The following LYST variants were observed in gnomAD, a reference collection of about 807,000 sequenced individuals.
LYST encodes lysosomal-trafficking regulator.
Under a neutral mutation model 413.6 loss-of-function variants are expected in LYST, and 192 were observed. The ratio of observed to expected loss-of-function variants is 0.46; its 90% CI spans 0.41 to 0.52. The LOEUF is 0.52. Among genes scored for constraint, LYST ranks in the 20% least tolerant of loss-of-function variants. The pLI, the probability that LYST is intolerant of heterozygous loss-of-function variation, is 0.00. For missense variants in LYST, 3,815 were observed against 4,499.9 expected (o/e 0.85, Z 4.35); for synonymous variants, 1,525 against 1,567.3 (o/e 0.97, Z 0.64).
chr1:235,771,913 GTTTGTTT>G (rs1299522051), intron 19 of LYST, among the ~76,000 whole-genome samples: 33 of 95,180 alleles, frequency 3.5e-4, no homozygotes, highest in South Asian at 3.0e-3. Flanking sequence ...AGGTTTTTTA[GTTTGTTT>G]TTTTTTTTTT....
intron 48 of LYST, among the ~76,000 whole-genome samples, chr1:235,685,725 A>G (rs1660162020): frequency 6.6e-6 from 1 of 151,814 alleles, no homozygotes; most frequent in African/African-American, 2.4e-5. Flanking sequence ...GTGCGCCTGT[A>G]ATCCCAACTA....
chr1:235,677,397 C>T (rs1659466478), intron 49 of LYST, 83 bp downstream of exon 49: 3 of 1,394,074 alleles, frequency 2.2e-6, no homozygotes, highest in African/African-American at 2.9e-5. Flanking sequence ...AACGTAAAGA[C>T]ATTATTTTGG....
At chr1:235,712,531 T>C (rs1662478417) in intron 42 of LYST, 1 of 871,466 alleles carries the variant, frequency 1.1e-6, no homozygotes, top group South Asian at 4.9e-5. Context: ...TTGCACATAA[T>C]GGGTATTCAA....
intron 2 of LYST, among the ~76,000 whole-genome samples, chr1:235,831,512 C>T (rs1263633867): frequency 2.0e-5 from 3 of 152,126 alleles, no homozygotes; most frequent in African/African-American, 7.2e-5. Context: ...AGAAGCCAAC[C>T]AGGTAAAAAT....
At chr1:235,680,597 A>T (rs1659731181) in intron 48 of LYST, among the ~76,000 whole-genome samples, 1 of 147,716 alleles carries the variant, frequency 6.8e-6, no homozygotes, top group African/African-American at 2.6e-5. Context: ...CACACAAGTG[A>T]TTTTCTTTTT....
Position 235,809,489 on chromosome 1 carries a change from A to G in LYST, c.1329T>C (p.Asn443=). 6.2e-7 allele frequency: 1 copy of G among 1,614,106 alleles called. No individual in the cohort carries two copies. Among genetic ancestry groups the G allele is most frequent in the Admixed American group, 1.7e-5 (1 of 59,994 alleles). The change falls in exon 5 of 53, where the codon AAT becomes AAC. Residue 443 remains asparagine, a synonymous_variant. Coordinates refer to ENST00000389793, the MANE Select transcript of LYST (RefSeq NM_000081.4). This position sits in a 1 kb window ranked among gnomAD's most constrained non-coding sequence, Gnocchi z 4.0. The part of the protein sequence containing the change: ...VQEFIQHHGF[N]LFETAVLQME... ...TTTGAAGAACTGCTGTTTCAAATAA[A>G]TTAAATCCATGATGCTGAATGAATT...
rs1232143961 is a variant in LYST at position 235,733,693 on chromosome 1, TA to T, written c.8613-3del. 2 of 1,608,986 alleles carry T rather than the reference TA, an allele frequency of 1.2e-6. No homozygotes were observed. The highest frequency in any genetic ancestry group is 8.5e-7 in the Non-Finnish European group (1 of 1,175,562). On this transcript the variant is annotated splice_region_variant and splice_polypyrimidine_tract_variant and intron_variant, in intron 33 of 52. Coordinates refer to ENST00000389793, the MANE Select transcript of LYST (RefSeq NM_000081.4). ...TTTGAATCCAGACGCTGAAAGAGAC[TA>T]AACAAATAATAAGATTGTCCATAGT...
At chr1:235,687,472 A>G (rs905169728) in intron 47 of LYST, among the ~76,000 whole-genome samples, 1 of 152,184 alleles carries the variant, frequency 6.6e-6, no homozygotes, top group East Asian at 1.9e-4. Flanking sequence ...AGGTACATGT[A>G]AACAGAGGTA....
Position 235,664,540 on chromosome 1 carries a change from G to T in LYST, c.11120C>A (p.Ser3707Tyr). ...GHVHCREIIC[S>Y]VAFSNQPEGV... ...CTCAGGCTGGTTGGAGAAAGCCACG[G>T]AACAGATGATCTCCCTGCAGTGGAC... The change falls in exon 51 of 53, where the codon TCC (serine) becomes TAC (tyrosine). Residue 3707 changes from serine (S) to tyrosine (Y), a missense_variant. Ser to Tyr is a moderately radical substitution (Grantham distance 144). Coordinates refer to ENST00000389793, the MANE Select transcript of LYST (RefSeq NM_000081.4). The surrounding 1 kb of genome is among the most constrained non-coding windows in gnomAD (Gnocchi z 4.5). The T allele has an allele frequency of 6.2e-7, 1 of 1,614,074 alleles. No individual in the cohort carries two copies. Among genetic ancestry groups the T allele is most frequent in the Non-Finnish European group, 8.5e-7 (1 of 1,179,964 alleles).
In LYST at chr1:235,804,576, A is replaced by G. The variant is rs1672608100; in HGVS notation, c.3483T>C (p.Phe1161=). ...CGAGGGCAACTCGAAGCAGGGCATC[A>G]AATAAAGGCTTTGCTAGTTGTGTTT... ...VIETQLAKPL[F]DALLRVALGN... Residue 1161 remains phenylalanine (F), a synonymous_variant, in exon 7 of 53, where the codon TTT becomes TTC. Coordinates refer to ENST00000389793, the MANE Select transcript of LYST (RefSeq NM_000081.4). The G allele has an allele frequency of 4.3e-6, 7 of 1,611,856 alleles. No homozygotes were observed. The highest frequency in any genetic ancestry group is 5.9e-6 in the Non-Finnish European group (7 of 1,178,034).
At position 235,809,692 on chromosome 1, in the gene LYST, G is replaced by T. The variant is rs770362521; in HGVS notation, c.1126C>A (p.Pro376Thr). 6 of 1,613,556 alleles carry T rather than the reference G, an allele frequency of 3.7e-6. No individual in the cohort carries two copies. The highest frequency in any genetic ancestry group is 5.1e-6 in the Non-Finnish European group (6 of 1,179,842). ...CLEKQPDPFA[P>T]RQKKTLQEVQ... ...TCCTGCAGTGTTTTCTTTTGTCTTG[G>T]TGCAAAAGGGTCAGGCTGCTTTTCT... The change falls in exon 5 of 53, where the codon CCA becomes ACA. Residue 376 changes from proline (P) to threonine (T), a missense_variant. Pro to Thr is a conservative substitution (Grantham distance 38). Coordinates refer to ENST00000389793, the MANE Select transcript of LYST (RefSeq NM_000081.4). The surrounding 1 kb of genome is among the most constrained non-coding windows in gnomAD (Gnocchi z 4.0).
At chr1:235,729,493 G>A (rs1215152100) in intron 37 of LYST, 103 bp downstream of exon 37, 2 of 793,422 alleles carry the variant, frequency 2.5e-6, no homozygotes, top group Non-Finnish European at 4.4e-6. Flanking sequence ...ACTACAGAAA[G>A]TTTATCCAAT....
rs779610980 is a variant in LYST at position 235,751,331 on chromosome 1, G to A, written c.7659C>T (p.Leu2553=). 5.6e-6 allele frequency: 9 copies of A among 1,613,646 alleles called. No individual in the cohort carries two copies. Among genetic ancestry groups the A allele is most frequent in the South Asian group, 5.5e-5 (5 of 91,074 alleles). ...TCCTTATAAATTCCATAGCAGCCTG[G>A]AGAACTCTAAGCTGTAGTGCAACAG... ...NMAVALQLRV[L]QAAMEFIRTT... is the part of the protein sequence containing the mutation. Residue 2553 remains leucine (L), a synonymous_variant, in exon 28 of 53, where the codon CTC becomes CTT. Transcript: ENST00000389793.
chr1:235,815,331 G>C (rs955304750), intron 3 of LYST, among the ~76,000 whole-genome samples: 1 of 152,116 alleles, frequency 6.6e-6, no homozygotes, highest in Non-Finnish European at 1.5e-5. Flanking sequence ...GAAAATTTCA[G>C]ATATAATGTT....
chr1:235,871,845 T>C (rs950099543), upstream of LYST, among the ~76,000 whole-genome samples: 1 of 152,240 alleles, frequency 6.6e-6, no homozygotes, highest in African/African-American at 2.4e-5. Flanking sequence ...ACAGTATCTA[T>C]ACTTTACTCA....
chr1:235,767,967 T>C (rs1668306851), intron 20 of LYST, among the ~76,000 whole-genome samples: 1 of 152,088 alleles, frequency 6.6e-6, no homozygotes, highest in South Asian at 2.1e-4. Flanking sequence ...TCCTCTTAGC[T>C]TTTCAATTAC....
intron 3 of LYST, among the ~76,000 whole-genome samples, chr1:235,822,463 CCTGT>C (rs1392285964): frequency 6.6e-6 from 1 of 152,150 alleles, no homozygotes; most frequent in Non-Finnish European, 1.5e-5. Flanking sequence ...GAGCAGATAA[CCTGT>C]CTAATTCACA....
rs1219631537 is a variant in LYST, at chr1:235,733,506, T to A, written c.8798A>T (p.Asp2933Val). The part of the protein sequence containing the change: ...WQELIQQLTH[D>V]RAVWYDPIYY... Reference sequence around the variant, plus strand: ...TAACTGACCTCCCGCAGCTTACCTATCATGTGTCAGCTGCTGAATAAGTTC... The same window carrying A: ...TAACTGACCTCCCGCAGCTTACCTAACATGTGTCAGCTGCTGAATAAGTTC... The change falls in exon 34 of 53, where the codon GAT becomes GTT. Residue 2933 changes from aspartate to valine, a missense_variant. Physicochemically the swap from Asp to Val is radical, Grantham distance 152. Transcript: ENST00000389793. 1.9e-6 allele frequency: 3 copies of A among 1,613,718 alleles called. No individual in the cohort carries two copies. The highest frequency in any genetic ancestry group is 1.7e-5 in the Admixed American group (1 of 59,988).
chr1:235,809,940 A>G lies in LYST; in HGVS notation c.878T>C (p.Leu293Pro). 1 of 1,613,952 alleles carries G rather than the reference A, an allele frequency of 6.2e-7. No individual in the cohort carries two copies. The highest frequency in any genetic ancestry group is 8.5e-7 in the Non-Finnish European group (1 of 1,179,950). Residue 293 changes from leucine (L) to proline (P), a missense_variant, in exon 5 of 53, where the codon CTA (leucine) becomes CCA (proline). Around this residue, in one of 4 missense-constraint regions of LYST, gnomAD observed 1,648 missense variants for 1,810.3 expected, o/e 0.91. Transcript: ENST00000389793. The surrounding 1 kb of genome is among the most constrained non-coding windows in gnomAD (Gnocchi z 4.0). Reference sequence around the variant, plus strand: ...ACTGCAGCAGTCCCCAAAGCCTGCTAGGAATTCAGTTAGTGTGGGCACTAC... The same window carrying G: ...ACTGCAGCAGTCCCCAAAGCCTGCTGGGAATTCAGTTAGTGTGGGCACTAC... ...ASVVPTLTEF[L>P]AGFGDCCSLS...
Sources: allele counts gnomAD v4.1 joint callset (sites outside exome capture counted in the v4.1 genomes callset), GRCh38; gene constraint gnomAD v4.1.1; regional missense constraint gnomAD v4.1.1; non-coding constraint Gnocchi (gnomAD v3.1); transcripts MANE v1.5; gene names NCBI Gene and HGNC (gene_info 2026-07-23, HGNC 2026-07-21).